ZCCHC24: variants seen among roughly 807,000 people sequenced by gnomAD.
ZCCHC24 encodes zinc finger CCHC domain-containing protein 24.
ZCCHC24 carries 10 observed loss-of-function variants against 26.2 expected under a neutral mutation model. The observed-to-expected ratio is 0.38, with a 90% CI of 0.24 to 0.65. The LOEUF (loss-of-function observed/expected upper bound fraction) is 0.65. Ranked by LOEUF, ZCCHC24 falls within the 30% of genes least tolerant of loss-of-function variation. The pLI, the probability that ZCCHC24 is intolerant of heterozygous loss-of-function variation, is 0.54. For missense variants in ZCCHC24, 243 were observed against 329.1 expected (o/e 0.74, Z 2.03); for synonymous variants, 144 against 147.1 (o/e 0.98, Z 0.15).
chr10:79,419,191 C>A (rs1383288803), intron 2 of ZCCHC24, among the ~76,000 whole-genome samples: 2 of 152,160 alleles, frequency 1.3e-5, no homozygotes, highest in African/African-American at 4.8e-5. Flanking sequence ...GGTACATGAG[C>A]CTCACTTTAC....
chr10:79,405,114 A>G (rs1191620838), intron 2 of ZCCHC24, among the ~76,000 whole-genome samples: 1 of 152,194 alleles, frequency 6.6e-6, no homozygotes, highest in African/African-American at 2.4e-5. Flanking sequence ...CTGAACTTCC[A>G]GGGGACTCTG....
At chr10:79,411,442 C>G (rs184373638) in intron 2 of ZCCHC24, among the ~76,000 whole-genome samples, 1 of 152,230 alleles carries the variant, frequency 6.6e-6, no homozygotes, top group East Asian at 1.9e-4. Flanking sequence ...CTGCTGGGCC[C>G]CAAAACAATT....
chr10:79,398,805 C>A (rs530859735), intron 2 of ZCCHC24, among the ~76,000 whole-genome samples: 5 of 152,146 alleles, frequency 3.3e-5, no homozygotes, highest in African/African-American at 2.4e-5. Context: ...CCCGTCAGAC[C>A]CCCAGCCAAC....
intron 2 of ZCCHC24, among the ~76,000 whole-genome samples, chr10:79,401,920 GA>G (rs1244768674): frequency 3.3e-5 from 5 of 152,380 alleles, no homozygotes; most frequent in African/African-American, 1.2e-4. Flanking sequence ...CCCGGCCGCT[GA>G]GGTGGCCCTG....
At chr10:79,389,195 G>A (rs1290688260) in intron 3 of ZCCHC24, among the ~76,000 whole-genome samples, 1 of 152,220 alleles carries the variant, frequency 6.6e-6, no homozygotes, top group Non-Finnish European at 1.5e-5. Flanking sequence ...CCTGCCAGCT[G>A]CACCCACCCT....
At chr10:79,404,947 T>G (rs549924329) in intron 2 of ZCCHC24, among the ~76,000 whole-genome samples, 29 of 152,360 alleles carry the variant, frequency 1.9e-4, no homozygotes, top group Admixed American at 5.2e-4. Flanking sequence ...TGAACAGCCA[T>G]GTACCCTTCA....
chr10:79,441,496 C>G (rs1857290919), intron 1 of ZCCHC24, among the ~76,000 whole-genome samples: 1 of 152,008 alleles, frequency 6.6e-6, no homozygotes, highest in Admixed American at 6.5e-5. Context: ...GAAGAGCTTC[C>G]TAAAGGTTGG....
intron 2 of ZCCHC24, among the ~76,000 whole-genome samples, chr10:79,403,737 CT>C (rs1315681238): frequency 6.6e-6 from 1 of 152,196 alleles, no homozygotes; most frequent in East Asian, 1.9e-4. Flanking sequence ...CTTGTCACCC[CT>C]CCCACCCCCG....
At chr10:79,412,257 C>T (rs1257582822) in intron 2 of ZCCHC24, among the ~76,000 whole-genome samples, 1 of 152,272 alleles carries the variant, frequency 6.6e-6, no homozygotes, top group Non-Finnish European at 1.5e-5. Flanking sequence ...AAGGCAGACC[C>T]ATGGCTCCAG....
chr10:79,397,241 G>A lies in ZCCHC24; in HGVS notation c.448-2801C>T, dbSNP rs114176554. On this transcript the variant is annotated intron_variant, in intron 2 of 3. Coordinates refer to ENST00000372336, the MANE Select transcript of ZCCHC24 (RefSeq NM_153367.4). ...ATCCTCAGTGGCCTTCCTGGCAGCT[G>A]TAACATTCTTGGGAGAAGGTTCAGC... Among the ~76,000 whole-genome samples the A allele has an allele frequency of 6.3e-3, 958 of 152,352 alleles. 16 individuals carry two copies. Among genetic ancestry groups the A allele is most frequent in the African/African-American group, 0.022 (915 of 41,578 alleles).
intron 2 of ZCCHC24, among the ~76,000 whole-genome samples, chr10:79,411,214 A>C (rs939621291): frequency 2.0e-5 from 3 of 152,078 alleles, no homozygotes; most frequent in African/African-American, 7.2e-5. Context: ...GGTATGATCC[A>C]CCCTAAAGCT....
At position 79,432,541 on chromosome 10, in the gene ZCCHC24, G is replaced by A; in HGVS notation, c.447+17C>T. ...TAGGGGAGCCCAAGAGCACCCCCTG[G>A]GCCAGGGCTGCCTTACCTGGGGGCA... On this transcript the variant is annotated intron_variant, in intron 2 of 3. Transcript: ENST00000372336. 1 of 1,590,634 alleles carries A rather than the reference G, an allele frequency of 6.3e-7. No homozygotes were observed. Among genetic ancestry groups the A allele is most frequent in the South Asian group, 1.1e-5 (1 of 88,780 alleles).
chr10:79,414,046 G>A (rs1240848422), intron 2 of ZCCHC24, among the ~76,000 whole-genome samples: 1 of 152,210 alleles, frequency 6.6e-6, no homozygotes, highest in African/African-American at 2.4e-5. Flanking sequence ...TGGGGTCTCT[G>A]TTCTCCCCAC....
intron 1 of ZCCHC24, among the ~76,000 whole-genome samples, chr10:79,434,202 C>A (rs1282486619): frequency 6.6e-6 from 1 of 152,180 alleles, no homozygotes; most frequent in Non-Finnish European, 1.5e-5. Flanking sequence ...GGCAGGCCAG[C>A]CCAGCACACA....
intron 1 of ZCCHC24, among the ~76,000 whole-genome samples, chr10:79,434,081 G>A (rs946635005): frequency 6.6e-6 from 1 of 152,200 alleles, no homozygotes; most frequent in Admixed American, 6.5e-5. Context: ...GGTGCCTCAG[G>A]ACACACGGCT....
rs56351363 is a variant in ZCCHC24 at position 79,386,645 on chromosome 10, C to T, written c.613-187G>A. ...ACACAGTGAGGGAGAGACACACACC[C>T]GATGAGGGGTGGGGAGAGGGCGCCT... On this transcript the variant is annotated intron_variant, in intron 3 of 3. Transcript: ENST00000372336. 0.076 allele frequency among the ~76,000 whole-genome samples: 11,589 copies of T among 152,110 alleles called. 531 individuals are homozygous for T. The highest frequency in any genetic ancestry group is 0.1 in the Non-Finnish European group (7,027 of 67,936).
At chr10:79,414,364 C>T (rs531849619) in intron 2 of ZCCHC24, among the ~76,000 whole-genome samples, 46 of 152,302 alleles carry the variant, frequency 3.0e-4, no homozygotes, top group Admixed American at 2.7e-3. Context: ...CAGAAACACA[C>T]GGAAGGTTTC....
chr10:79,413,462 G>A (rs12780413), intron 2 of ZCCHC24, among the ~76,000 whole-genome samples: 2 of 152,214 alleles, frequency 1.3e-5, no homozygotes, highest in South Asian at 2.1e-4. Flanking sequence ...GAGGTCATGC[G>A]GGGGCAGGGG....
At chr10:79,434,188 CG>C (rs1269823682) in intron 1 of ZCCHC24, among the ~76,000 whole-genome samples, 5 of 152,284 alleles carry the variant, frequency 3.3e-5, no homozygotes, top group African/African-American at 1.2e-4. Context: ...GACACCACAT[CG>C]GGGGCAGGCC....
Sources: gnomAD v4.1 joint callset for allele counts (sites outside exome capture counted in the v4.1 genomes callset) on GRCh38, gnomAD v4.1.1 for gene constraint, MANE v1.5 for transcripts, NCBI Gene and HGNC (gene_info 2026-07-23, HGNC 2026-07-21) for gene names.